Variants in DPP10 observed in about 807,000 individuals in gnomAD.
DPP10 encodes the protein inactive dipeptidyl peptidase 10.
In DPP10, 33 loss-of-function variants were observed where a neutral mutation model predicts 120.9. That is an observed-to-expected ratio of 0.27 (90% CI 0.21 to 0.37). The LOEUF is 0.37. Among genes scored for constraint, DPP10 ranks in the 10% least tolerant of loss-of-function variants. DPP10 has a pLI of 1.00. For missense variants in DPP10, 816 were observed against 942.8 expected, an observed-to-expected ratio of 0.87 and a Z score of 1.76; for synonymous variants, 337 against 326.1, an observed-to-expected ratio of 1.03 and a Z score of -0.36.
chr2:114,925,937 C>T (rs12623982), intron 1 of DPP10, among the ~76,000 whole-genome samples: 36,443 of 152,100 alleles, frequency 0.24, 4,485 homozygotes, highest in East Asian at 0.35. Flanking sequence ...CTAGTACATA[C>T]TAAGCACGGT....
chr2:114,672,795 CTTG>C (rs1449453784), intron 1 of DPP10, among the ~76,000 whole-genome samples: 1 of 152,126 alleles, frequency 6.6e-6, no homozygotes, highest in Non-Finnish European at 1.5e-5. Flanking sequence ...TTTATCAGTG[CTTG>C]TTGTTTAGTG....
At chr2:114,809,857 G>A (rs1029776587) in intron 1 of DPP10, among the ~76,000 whole-genome samples, 7 of 152,250 alleles carry the variant, frequency 4.6e-5, no homozygotes, top group African/African-American at 1.2e-4. Context: ...GCCACACTCA[G>A]AGAAACACTG....
At chr2:115,119,502 A>T (rs2049711597) in intron 1 of DPP10, among the ~76,000 whole-genome samples, 1 of 152,044 alleles carries the variant, frequency 6.6e-6, no homozygotes, top group African/African-American at 2.4e-5. Context: ...CTACCTAGGT[A>T]CTCTAGCATT....
chr2:115,692,013 T>G (rs993823510), intron 7 of DPP10, among the ~76,000 whole-genome samples: 3 of 152,098 alleles, frequency 2.0e-5, no homozygotes, highest in African/African-American at 7.2e-5. Context: ...TCCAAATAAT[T>G]CTGTGTAGAC....
At chr2:114,837,029 C>G (rs893844814) in intron 1 of DPP10, among the ~76,000 whole-genome samples, 6 of 152,098 alleles carry the variant, frequency 3.9e-5, no homozygotes, top group African/African-American at 1.4e-4. Context: ...TCATATTGTT[C>G]AAACACACAT....
chr2:115,346,593 A>G (rs570299828), intron 3 of DPP10, among the ~76,000 whole-genome samples: 1 of 152,268 alleles, frequency 6.6e-6, no homozygotes, highest in South Asian at 2.1e-4. Context: ...TTTGAAATCT[A>G]CATTTTTATA....
intron 1 of DPP10, among the ~76,000 whole-genome samples, chr2:115,198,783 T>C (rs958015986): frequency 1.3e-5 from 2 of 152,166 alleles, no homozygotes; most frequent in African/African-American, 2.4e-5. Context: ...CCAGTGCCTA[T>C]GTCAAACTCC....
intron 1 of DPP10, 75 bp from the exon 2 acceptor site, chr2:115,309,164 A>G: frequency 8.8e-7 from 1 of 1,142,204 alleles, no homozygotes; most frequent in South Asian, 1.4e-5. Context: ...TGTGCCATGC[A>G]CTGAATCATT....
chr2:114,705,731 T>C (rs1264715419), intron 1 of DPP10, among the ~76,000 whole-genome samples: 1 of 151,762 alleles, frequency 6.6e-6, no homozygotes, highest in East Asian at 1.9e-4. Flanking sequence ...GAGAGGAGAG[T>C]ATACCAGCTA....
chr2:114,944,911 A>G (rs1371143185), intron 1 of DPP10, among the ~76,000 whole-genome samples: 2 of 152,206 alleles, frequency 1.3e-5, no homozygotes, highest in African/African-American at 2.4e-5. Context: ...CTAGAACAAA[A>G]CAGCTTAGAA....
In DPP10 at chr2:115,705,479, A is replaced by G. The variant is rs144878802; in HGVS notation, c.576+15558A>G. On this transcript the variant is annotated intron_variant, in intron 7 of 25. Coordinates refer to ENST00000410059, the MANE Select transcript of DPP10 (RefSeq NM_020868.6). ...CTGAAAGTCTTGGCCTTAGAGTCCT[A>G]TTATACCAGAGCTTTAATGGAAGTA... Among the ~76,000 whole-genome samples the G allele has an allele frequency of 7.3e-3, 1,105 of 152,002 alleles. 8 individuals carry two copies. The highest frequency in any genetic ancestry group is 0.011 in the Non-Finnish European group (761 of 67,890).
chr2:115,106,493 T>C (rs1048496383), intron 1 of DPP10, among the ~76,000 whole-genome samples: 3 of 152,204 alleles, frequency 2.0e-5, no homozygotes, highest in African/African-American at 7.2e-5. Context: ...GGGGTCATGC[T>C]TCGTCATCCA....
At chr2:115,067,846 A>C (rs1374959725) in intron 1 of DPP10, among the ~76,000 whole-genome samples, 1 of 135,714 alleles carries the variant, frequency 7.4e-6, no homozygotes, top group East Asian at 2.3e-4. Flanking sequence ...TGGGCGACAC[A>C]GCAAGACTCT....
At chr2:115,275,752 C>G (rs1177524395) in intron 1 of DPP10, among the ~76,000 whole-genome samples, 1 of 137,866 alleles carries the variant, frequency 7.3e-6, no homozygotes, top group African/African-American at 2.7e-5. Context: ...CAGGCTGGGG[C>G]GCAGTGGCCT....
At chr2:115,416,978 G>A (rs843392) in intron 3 of DPP10, among the ~76,000 whole-genome samples, 20,831 of 152,138 alleles carry the variant, frequency 0.14, 2,011 homozygotes, top group African/African-American at 0.27. Flanking sequence ...GTGATATCCT[G>A]TGGGTCTTTT....
At chr2:115,376,531 C>CT (rs879864288) in intron 3 of DPP10, among the ~76,000 whole-genome samples, 76 of 143,914 alleles carry the variant, frequency 5.3e-4, no homozygotes, top group Non-Finnish European at 7.1e-4. Context: ...TAGTCCCTTT[C>CT]TTTTTTTTTT....
intron 4 of DPP10, among the ~76,000 whole-genome samples, chr2:115,507,322 A>G (rs1477391221): frequency 6.6e-6 from 1 of 152,134 alleles, no homozygotes; most frequent in African/African-American, 2.4e-5. Flanking sequence ...ATAATATTCC[A>G]GATTCTGGGG....
chr2:115,359,859 G>A (rs958068936), intron 3 of DPP10, among the ~76,000 whole-genome samples: 10 of 151,938 alleles, frequency 6.6e-5, no homozygotes, highest in African/African-American at 2.4e-4. Context: ...AAAAGGACCA[G>A]TATTTTCATT....
In DPP10 at chr2:114,646,079, G is replaced by C. The variant is rs186820839; in HGVS notation, c.60+203241G>C. Among the ~76,000 whole-genome samples the C allele has an allele frequency of 7.4e-3, 1,132 of 152,036 alleles. 14 individuals carry two copies. The highest frequency in any genetic ancestry group is 0.026 in the African/African-American group (1,082 of 41,430). On this transcript the variant is annotated intron_variant, in intron 1 of 25. Transcript: ENST00000410059. ...GGAGGCCGAGGCAGGAGAATTGCTT[G>C]AACCCAGGAGGCGGAGGTTGCAGTG...
Sources: gnomAD v4.1 joint callset for allele counts (sites outside exome capture counted in the v4.1 genomes callset) on GRCh38, gnomAD v4.1.1 for gene constraint, MANE v1.5 for transcripts, NCBI Gene and HGNC (gene_info 2026-07-23, HGNC 2026-07-21) for gene names.